The following LINGO3 variants were observed in gnomAD, a reference collection of about 807,000 sequenced individuals.
LINGO3 encodes leucine-rich repeat and immunoglobulin-like domain-containing nogo receptor-interacting protein 3.
For synonymous variants in LINGO3, 427 were observed against 444.2 expected, an observed-to-expected ratio of 0.96 and a Z score of 0.49; for missense variants, 750 against 867.7, an observed-to-expected ratio of 0.86 and a Z score of 1.70.
At chr19:2,299,069 C>T in the LINGO3 span, among the ~76,000 whole-genome samples, 3 of 152,166 alleles carry the variant, frequency 2.0e-5, no homozygotes, top group Non-Finnish European at 4.4e-5. Flanking sequence ...TCCGGGGCAC[C>T]CTCCAAGCTC....
At chr19:2,299,119 C>T in the LINGO3 span, among the ~76,000 whole-genome samples, 4 of 152,308 alleles carry the variant, frequency 2.6e-5, no homozygotes, top group African/African-American at 9.6e-5. Context: ...GACAGCTGAT[C>T]CCTCGCGCCC....
Position 2,291,487 on chromosome 19 carries a change from G to A in LINGO3, c.290C>T (p.Ala97Val), listed in dbSNP as rs1175965395. 3 of 1,612,146 alleles carry A rather than the reference G, an allele frequency of 1.9e-6. No individual in the cohort carries two copies. In the African/African-American group the frequency reaches 4.0e-5, roughly 22 times the overall value. Residue 97 changes from alanine (A) to valine (V), a missense_variant, in exon 1 of 1, where the codon GCC becomes GTC. Ala to Val is a moderately conservative substitution (Grantham distance 64). Transcript: ENST00000585527. ...GCGCAGGCGCGGCAGGTTGGCGAAG[G>A]CGCCGGGCTCCACGTGCGCGATGGC...
At chr19:2,301,927 C>CAAA in the LINGO3 span, among the ~76,000 whole-genome samples, 12 of 35,254 alleles carry the variant, frequency 3.4e-4, no homozygotes, top group African/African-American at 1.1e-3. Context: ...GACTCCATCT[C>CAAA]AAAAAAAAAA....
the LINGO3 span, among the ~76,000 whole-genome samples, chr19:2,301,399 AC>A: frequency 0.038 from 5,716 of 151,814 alleles, 366 homozygotes; most frequent in African/African-American, 0.13. Flanking sequence ...AGCCAGGAGC[AC>A]CCCCTTCCCA....
At chr19:2,302,886 A>ACC in the LINGO3 span, among the ~76,000 whole-genome samples, 1 of 151,962 alleles carries the variant, frequency 6.6e-6, no homozygotes, top group African/African-American at 2.4e-5. Context: ...ATGCGATCGC[A>ACC]CCCCAGGACT....
chr19:2,303,895 C>T, the LINGO3 span, among the ~76,000 whole-genome samples: 1 of 152,246 alleles, frequency 6.6e-6, no homozygotes, highest in African/African-American at 2.4e-5. Flanking sequence ...GGGTCCTCAC[C>T]TGAATCGGCC....
In LINGO3 at chr19:2,290,214, C is replaced by A. The variant is rs751953704; in HGVS notation, c.1563G>T (p.Pro521=). ...ACACCAGGATGGTGGTGAGGTCGAGCGGCGCGCGCAGGGCCGCCAGCGTCT... is the reference window on the plus strand; with the variant it reads ...ACACCAGGATGGTGGTGAGGTCGAGAGGCGCGCGCAGGGCCGCCAGCGTCT... The change falls in exon 1 of 1, where the codon CCG becomes CCT. Residue 521 remains proline, a synonymous_variant. Transcript: ENST00000585527. This position sits in a 1 kb window ranked among gnomAD's most constrained non-coding sequence, Gnocchi z 6.0. 3 of 1,607,708 alleles carry A rather than the reference C, an allele frequency of 1.9e-6. No individual in the cohort carries two copies. The highest frequency in any genetic ancestry group is 2.2e-5 in the East Asian group (1 of 44,592).
At chr19:2,289,173 C>G (rs1234843883), downstream of LINGO3, among the ~76,000 whole-genome samples, 6 of 135,932 alleles carry the variant, frequency 4.4e-5, no homozygotes, top group Non-Finnish European at 9.3e-5. Context: ...GGTGTGAGCT[C>G]TGTGTTCCGG....
At chr19:2,300,398 G>A in the LINGO3 span, among the ~76,000 whole-genome samples, 2 of 151,908 alleles carry the variant, frequency 1.3e-5, no homozygotes, top group African/African-American at 4.8e-5. Flanking sequence ...GGGGGAAGGC[G>A]ACACTTTCAG....
chr19:2,287,923 T>G (rs921715037), downstream of LINGO3, among the ~76,000 whole-genome samples: 1 of 152,154 alleles, frequency 6.6e-6, no homozygotes, highest in African/African-American at 2.4e-5. This position sits in a 1 kb window ranked among gnomAD's most constrained non-coding sequence, Gnocchi z 4.5. Flanking sequence ...TGGCTGAGGT[T>G]TTGGCCCAAC....
chr19:2,288,586 C>T (rs904177351), downstream of LINGO3, among the ~76,000 whole-genome samples: 10 of 152,334 alleles, frequency 6.6e-5, no homozygotes, highest in African/African-American at 2.2e-4. The surrounding 1 kb of genome is among the most constrained non-coding windows in gnomAD (Gnocchi z 6.5). Context: ...CCTCTCTTGC[C>T]TGCTGTTCTG....
At chr19:2,291,871 C>T in exon 1 of LINGO3, 1 of 1,125,982 alleles carries the variant, frequency 8.9e-7, no homozygotes, top group Non-Finnish European at 1.3e-6. Context: ...AGCACCCCTC[C>T]GCGGCGCCTC....
rs1259151747 is a variant in LINGO3 at position 2,290,477 on chromosome 19, C to T, written c.1300G>A (p.Glu434Lys). The stretch of plus-strand genomic sequence containing the variant: ...ACCCAGGCCACGGTGGGCGCCGGCT[C>T]GCCCTCGGCGCGGCAGAGGAAGCGG... The change falls in exon 1 of 1, where the codon GAG (glutamate) becomes AAG (lysine). Residue 434 changes from glutamate (E) to lysine (K), a missense_variant. Glu to Lys is a moderately conservative substitution (Grantham distance 56). Transcript: ENST00000585527. This position sits in a 1 kb window ranked among gnomAD's most constrained non-coding sequence, Gnocchi z 6.0. The T allele has an allele frequency of 4.1e-6, 6 of 1,465,452 alleles. No individual in the cohort carries two copies. The highest frequency in any genetic ancestry group is 2.9e-5 in the African/African-American group (2 of 68,002). 90.8% of individuals were successfully genotyped at this position (1,465,452 alleles called of 1,614,324 possible). A position where few individuals can be genotyped will look rare whatever the true frequency, so the allele number is the denominator to read the frequency against.
downstream of LINGO3, among the ~76,000 whole-genome samples, chr19:2,288,983 T>C (rs1444908535): frequency 6.7e-6 from 1 of 149,950 alleles, no homozygotes; most frequent in African/African-American, 2.5e-5. This position sits in a 1 kb window ranked among gnomAD's most constrained non-coding sequence, Gnocchi z 6.5. Flanking sequence ...GTCTCGGGTG[T>C]GAGCTGTGTG....
At chr19:2,288,447 C>T (rs921989079), downstream of LINGO3, among the ~76,000 whole-genome samples, 8 of 152,194 alleles carry the variant, frequency 5.3e-5, no homozygotes, top group Non-Finnish European at 7.3e-5. The surrounding 1 kb of genome is among the most constrained non-coding windows in gnomAD (Gnocchi z 6.5). Flanking sequence ...TGTCTGAGGC[C>T]GGCTCAGAGG....
rs1599163416 is a variant in LINGO3 at position 2,290,318 on chromosome 19, C to G, written c.1459G>C (p.Gly487Arg). 2 of 1,560,126 alleles carry G rather than the reference C, an allele frequency of 1.3e-6. No homozygotes were observed. The highest frequency in any genetic ancestry group is 3.7e-5 in the Admixed American group (2 of 53,860). The change falls in exon 1 of 1, where the codon GGC becomes CGC. Residue 487 changes from glycine to arginine, a missense_variant. Transcript: ENST00000585527. The surrounding 1 kb of genome is among the most constrained non-coding windows in gnomAD (Gnocchi z 6.0). ...AGCGTGGCGAAGTAGGTGTCGTTGC[C>G]GCCCGCGTTGCTGGCCACGCACGTG...
the LINGO3 span, among the ~76,000 whole-genome samples, chr19:2,302,358 G>C: frequency 1.8e-4 from 28 of 152,154 alleles, no homozygotes; most frequent in African/African-American, 6.3e-4. Flanking sequence ...CACAATGCCC[G>C]GCCCCCTGTC....
At chr19:2,305,128 C>A in the LINGO3 span, among the ~76,000 whole-genome samples, 1 of 152,104 alleles carries the variant, frequency 6.6e-6, no homozygotes, top group Non-Finnish European at 1.5e-5. Flanking sequence ...TCATCAGGGT[C>A]ATTGCAGTCT....
the LINGO3 span, among the ~76,000 whole-genome samples, chr19:2,297,810 A>G: frequency 9.2e-5 from 14 of 151,418 alleles, no homozygotes; most frequent in East Asian, 2.1e-3. Flanking sequence ...TCACCATGTT[A>G]GCCAGGCTGG....
Sources: gnomAD v4.1 joint callset for allele counts (sites outside exome capture counted in the v4.1 genomes callset) on GRCh38, gnomAD v4.1.1 for gene constraint, Gnocchi (gnomAD v3.1) non-coding constraint, MANE v1.5 for transcripts, NCBI Gene and HGNC (gene_info 2026-07-23, HGNC 2026-07-21) for gene names.